TRDN: variants seen among roughly 807,000 people sequenced by gnomAD.
TRDN encodes the protein triadin in skeletal muscle.
A neutral mutation model predicts 149.7 loss-of-function variants in TRDN; 161 were observed. The observed-to-expected ratio is 1.08, with a 90% CI of 0.95 to 1.23. TRDN has a LOEUF of 1.23. TRDN is among the 50% of genes most tolerant of loss of function. The probability of loss-of-function intolerance (pLI) is 0.00; values close to 1 mark genes in which losing one functional copy is unlikely to be tolerated. For missense variants in TRDN, 896 were observed against 823.5 expected, an observed-to-expected ratio of 1.09 and a Z score of -1.08; for synonymous variants, 294 against 250.5, an observed-to-expected ratio of 1.17 and a Z score of -1.64.
chr6:123,579,438 C>A (rs889744638), intron 1 of TRDN, among the ~76,000 whole-genome samples: 9 of 152,040 alleles, frequency 5.9e-5, no homozygotes, highest in African/African-American at 1.9e-4. Flanking sequence ...TTTGATGAAT[C>A]AAATTTATTG....
rs1779391034 is a variant in TRDN, at chr6:123,515,937, C to A, written c.550+204G>T. On this transcript the variant is annotated intron_variant, in intron 6 of 40. Coordinates refer to ENST00000334268, the MANE Select transcript of TRDN (RefSeq NM_006073.4). ...TGACGCAACATTTCTGGAAAGTTAC[C>A]ACTTTCCAGTTCAACAGTTCTTAAC... Among the ~76,000 whole-genome samples the A allele has an allele frequency of 2.6e-5, 4 of 152,068 alleles. No homozygotes were observed. In the South Asian group the frequency reaches 8.3e-4, roughly 31 times the overall value.
intron 14 of TRDN, among the ~76,000 whole-genome samples, chr6:123,386,667 C>A (rs754941828): frequency 2.0e-5 from 3 of 152,208 alleles, no homozygotes; most frequent in Non-Finnish European, 4.4e-5. Flanking sequence ...CTTCTCATCA[C>A]CTCCTGATTC....
At chr6:123,339,566 C>T (rs1407477612) in intron 21 of TRDN, among the ~76,000 whole-genome samples, 3 of 152,138 alleles carry the variant, frequency 2.0e-5, no homozygotes, top group Non-Finnish European at 4.4e-5. Flanking sequence ...GCAAAGCAAC[C>T]TACAGTATTC....
At chr6:123,267,896 T>C (rs1000611215) in intron 31 of TRDN, 145 bp from the exon 32 acceptor site, 3 of 622,580 alleles carry the variant, frequency 4.8e-6, no homozygotes, top group Non-Finnish European at 8.1e-6. Flanking sequence ...AGAAAGCATA[T>C]TGCCATAAAA....
At chr6:123,544,373 T>A (rs1396125955) in intron 4 of TRDN, among the ~76,000 whole-genome samples, 1 of 151,662 alleles carries the variant, frequency 6.6e-6, no homozygotes, top group Non-Finnish European at 1.5e-5. Flanking sequence ...AACAACAGAT[T>A]TATTTATATT....
At chr6:123,473,969 AG>A (rs1777328066) in intron 9 of TRDN, among the ~76,000 whole-genome samples, 1 of 152,174 alleles carries the variant, frequency 6.6e-6, no homozygotes, top group South Asian at 2.1e-4. Flanking sequence ...AGGAACAACC[AG>A]TACCAGCCAC....
chr6:123,480,249 C>CAA (rs34445508), intron 9 of TRDN, among the ~76,000 whole-genome samples: 119 of 98,394 alleles, frequency 1.2e-3, no homozygotes, highest in South Asian at 8.1e-3. Context: ...ACTCCGTTTC[C>CAA]AAAAAAAAAA....
At chr6:123,481,103 A>G (rs1777727411) in intron 9 of TRDN, among the ~76,000 whole-genome samples, 1 of 152,122 alleles carries the variant, frequency 6.6e-6, no homozygotes, top group Admixed American at 6.5e-5. Flanking sequence ...ATATTTTATC[A>G]GGCCTTACAG....
At chr6:123,586,161 T>A (rs546963747) in intron 1 of TRDN, among the ~76,000 whole-genome samples, 67 of 152,242 alleles carry the variant, frequency 4.4e-4, no homozygotes, top group African/African-American at 1.6e-3. Context: ...AAAAGGAGCA[T>A]TAACCTTGAC....
rs113100241 is a variant in TRDN at position 123,437,593 on chromosome 6, A to G, written c.1051+470T>C. Among the ~76,000 whole-genome samples the G allele has an allele frequency of 9.3e-3, 1,414 of 152,020 alleles. 17 individuals are homozygous for G. Among genetic ancestry groups the G allele is most frequent in the African/African-American group, 0.033 (1,348 of 41,432 alleles). On this transcript the variant is annotated intron_variant, in intron 12 of 40. Coordinates refer to ENST00000334268, the MANE Select transcript of TRDN (RefSeq NM_006073.4). ...ACAACCCATAAAGCCTTTCTCAAGG[A>G]ACTGAGAGCCATCCCTTTGAAATGT...
intron 1 of TRDN, among the ~76,000 whole-genome samples, chr6:123,631,706 GT>G (rs199816530): frequency 1.2e-4 from 18 of 151,600 alleles, no homozygotes; most frequent in South Asian, 6.3e-4. Context: ...CATCAACTCT[GT>G]TTTTTTTCTT....
intron 39 of TRDN, among the ~76,000 whole-genome samples, 186 bp downstream of exon 39, chr6:123,223,907 A>G (rs962703075): frequency 6.6e-6 from 1 of 151,668 alleles, no homozygotes; most frequent in African/African-American, 2.4e-5. Flanking sequence ...TAATATGTGA[A>G]AAGATGTATA....
chr6:123,466,785 A>G (rs1272350695), intron 9 of TRDN, among the ~76,000 whole-genome samples: 2 of 152,138 alleles, frequency 1.3e-5, no homozygotes, highest in African/African-American at 2.4e-5. Flanking sequence ...ATGAGTGTCC[A>G]TAAATATACA....
chr6:123,370,096 A>G (rs1781264734), intron 19 of TRDN, among the ~76,000 whole-genome samples: 1 of 152,300 alleles, frequency 6.6e-6, no homozygotes, highest in African/African-American at 2.4e-5. Context: ...TGCACATTCT[A>G]ATGAATAGCA....
At chr6:123,415,792 T>C (rs1773624917) in intron 12 of TRDN, among the ~76,000 whole-genome samples, 1 of 152,198 alleles carries the variant, frequency 6.6e-6, no homozygotes, top group Non-Finnish European at 1.5e-5. Context: ...TTCCCTACTA[T>C]GTGAACTGCA....
intron 4 of TRDN, among the ~76,000 whole-genome samples, chr6:123,543,491 G>A (rs533693858): frequency 1.4e-4 from 22 of 152,114 alleles, no homozygotes; most frequent in Non-Finnish European, 2.5e-4. Context: ...TTGTACCGTC[G>A]TGAATCTTAG....
At chr6:123,628,040 A>C (rs1167227498) in intron 1 of TRDN, among the ~76,000 whole-genome samples, 1 of 152,180 alleles carries the variant, frequency 6.6e-6, no homozygotes, top group Non-Finnish European at 1.5e-5. Flanking sequence ...CCACATCAGC[A>C]ATAAGTTTGT....
At chr6:123,243,267 T>C (rs952547761) in intron 38 of TRDN, among the ~76,000 whole-genome samples, 1 of 152,044 alleles carries the variant, frequency 6.6e-6, no homozygotes, top group African/African-American at 2.4e-5. Flanking sequence ...ATCACCATGG[T>C]CACTAAGGAG....
At chr6:123,368,846 A>AT (rs1451583119) in intron 19 of TRDN, among the ~76,000 whole-genome samples, 2 of 151,820 alleles carry the variant, frequency 1.3e-5, no homozygotes, top group African/African-American at 4.8e-5. Context: ...CCACTTTCTC[A>AT]TTTTTCAAGA....
Sources: gnomAD v4.1 joint callset for allele counts (sites outside exome capture counted in the v4.1 genomes callset) on GRCh38, gnomAD v4.1.1 for gene constraint, MANE v1.5 for transcripts, NCBI Gene and HGNC (gene_info 2026-07-23, HGNC 2026-07-21) for gene names.